Variants in FAM180B observed in about 807,000 individuals in gnomAD.
The protein encoded by FAM180B is protein FAM180B.
A neutral mutation model predicts 13.6 loss-of-function variants in FAM180B; 14 were observed. The observed-to-expected ratio is 1.03, with a 90% CI of 0.68 to 1.60. The LOEUF is 1.60. FAM180B is among the 40% of genes most tolerant of loss of function. FAM180B has a pLI of 0.00. For synonymous variants in FAM180B, 109 were observed against 97.0 expected (o/e 1.12, Z -0.72); for missense variants, 212 against 230.4 (o/e 0.92, Z 0.52).
intron 1 of FAM180B, 78 bp downstream of exon 1, chr11:47,586,931 T>C: frequency 1.0e-6 from 1 of 974,606 alleles, no homozygotes; most frequent in Non-Finnish European, 1.6e-6. Context: ...TATTTGAGGC[T>C]AGTCGGGCAT....
In FAM180B at chr11:47,588,307, G is replaced by A. The variant is rs1398750269; in HGVS notation, c.425G>A (p.Gly142Asp). 13 of 1,537,168 alleles carry A rather than the reference G, an allele frequency of 8.5e-6. No homozygotes were observed. The highest frequency in any genetic ancestry group is 8.7e-7 in the Non-Finnish European group (1 of 1,146,868). ...LHAASEAEER[G>D]RWAQVFALLA... is the part of the protein sequence containing the mutation. ...GCAGCTAGTGAGGCTGAGGAACGGG[G>A]CCGCTGGGCCCAGGTCTTCGCTCTC... Residue 142 changes from glycine (G) to aspartate (D), a missense_variant, in exon 3 of 3, where the codon GGC becomes GAC. Transcript: ENST00000538490.
chr11:47,587,325 T>C (rs1335719793), intron 1 of FAM180B, among the ~76,000 whole-genome samples: 1 of 151,862 alleles, frequency 6.6e-6, no homozygotes, highest in Non-Finnish European at 1.5e-5. Flanking sequence ...GCAGGGAGAG[T>C]AGGCTCTTTC....
Position 47,588,528 on chromosome 11 carries a change from G to T in FAM180B, c.*94G>T. The T allele has an allele frequency of 1.7e-5, 11 of 634,610 alleles. No individual in the cohort carries two copies. The South Asian group carries it at 2.1e-4, about 12-fold the overall frequency. The allele number at this position is 634,610 out of a possible 1,614,324, so 39.3% of individuals were successfully genotyped here. On this transcript the variant is annotated 3_prime_UTR_variant, in exon 3 of 3. Coordinates refer to ENST00000538490, the MANE Select transcript of FAM180B (RefSeq NM_001164379.3). ...CATCTTGCGCAGGGGCTTCTGTCTG[G>T]CATCTGATTCTTTTCACCGTGTTCA... is the stretch of plus-strand genomic sequence containing the variant.
chr11:47,587,677 GA>G, intron 1 of FAM180B, 73 bp from the exon 2 acceptor site: 1 of 1,074,060 alleles, frequency 9.3e-7, no homozygotes, highest in South Asian at 1.7e-5. Flanking sequence ...CCAGGCAGCA[GA>G]GGGGCACTTC....
In FAM180B at chr11:47,588,313, G is replaced by A. The variant is rs1413597218; in HGVS notation, c.431G>A (p.Trp144Ter). 1.1e-4 allele frequency: 163 copies of A among 1,536,872 alleles called. No individual in the cohort carries two copies. The highest frequency in any genetic ancestry group is 1.4e-4 in the Non-Finnish European group (157 of 1,146,740). Residue 144 changes from tryptophan to a stop codon, truncating the protein, a stop_gained, in exon 3 of 3, where the codon TGG becomes TAG. Transcript: ENST00000538490. LOFTEE classifies it high-confidence loss of function. ...AGTGAGGCTGAGGAACGGGGCCGCT[G>A]GGCCCAGGTCTTCGCTCTCCTGGCA... is the stretch of plus-strand genomic sequence containing the variant. ...AASEAEERGR[W>*]AQVFALLAQE...
In FAM180B at chr11:47,588,305, G is replaced by A; in HGVS notation, c.423G>A (p.Arg141=). ...RLHAASEAEE[R]GRWAQVFALL... ...ACGCAGCTAGTGAGGCTGAGGAACG[G>A]GGCCGCTGGGCCCAGGTCTTCGCTC... The change falls in exon 3 of 3, where the codon CGG becomes CGA. Residue 141 remains arginine (R), a synonymous_variant. Coordinates refer to ENST00000538490, the MANE Select transcript of FAM180B (RefSeq NM_001164379.3). The A allele has an allele frequency of 6.5e-7, 1 of 1,537,120 alleles. No individual in the cohort carries two copies. Among genetic ancestry groups the A allele is most frequent in the Non-Finnish European group, 8.7e-7 (1 of 1,146,858 alleles).
At position 47,588,921 on chromosome 11, in the gene FAM180B, A is replaced by T. The variant is rs2097273487; in HGVS notation, c.*487A>T. 1 of 152,206 alleles carries T rather than the reference A, an allele frequency of 6.6e-6. No individual in the cohort carries two copies. Among genetic ancestry groups the T allele is most frequent in the African/African-American group, 2.4e-5 (1 of 41,412 alleles). The allele number at this position is 152,206 out of a possible 1,614,324, so 9.4% of individuals were successfully genotyped here. ...TGCTGAGCATCCCCTTTTAGGCACA[A>T]CCAAGGATTTGGGGTCTCTGAGCCT... On this transcript the variant is annotated 3_prime_UTR_variant, in exon 3 of 3. Coordinates refer to ENST00000538490, the MANE Select transcript of FAM180B (RefSeq NM_001164379.3).
chr11:47,587,891 G>A, intron 2 of FAM180B, 70 bp downstream of exon 2: 2 of 1,442,864 alleles, frequency 1.4e-6, no homozygotes. Flanking sequence ...GTTGGGAAGG[G>A]GGATGTCTCA....
rs890806027 is a variant in FAM180B at position 47,589,077 on chromosome 11, T to TG, written c.*644dup. The TG allele has an allele frequency of 2.6e-5, 4 of 151,880 alleles. No individual in the cohort carries two copies. Among genetic ancestry groups the TG allele is most frequent in the African/African-American group, 9.7e-5 (4 of 41,244 alleles). The allele number at this position is 151,880 out of a possible 1,614,324, so 9.4% of individuals were successfully genotyped here. On this transcript the variant is annotated 3_prime_UTR_variant, in exon 3 of 3. Coordinates refer to ENST00000538490, the MANE Select transcript of FAM180B (RefSeq NM_001164379.3). The stretch of plus-strand genomic sequence containing the variant: ...AGGCAATATCTCAACAAGCGTCGGG[T>TG]GAATACCTCAGAGGGGGGAGTAAGG...
At chr11:47,587,424 G>A (rs2097272224) in intron 1 of FAM180B, among the ~76,000 whole-genome samples, 1 of 152,188 alleles carries the variant, frequency 6.6e-6, no homozygotes, top group South Asian at 2.1e-4. Context: ...GGAGGGTGGG[G>A]AAGGGTCTTG....
Position 47,588,728 on chromosome 11 carries a change from G to GTA in FAM180B, c.*295_*296insAT. ...AGGCAGTGTGTGTGTGAGTGTGTGT[G>GTA]TGTGTGTGTGTGTGTGTGTGTGTGT... On this transcript the variant is annotated 3_prime_UTR_variant, in exon 3 of 3. Transcript: ENST00000538490. 3.9e-6 allele frequency: 1 copy of GTA among 255,342 alleles called. No individual in the cohort carries two copies. Among genetic ancestry groups the GTA allele is most frequent in the Non-Finnish European group, 7.4e-6 (1 of 134,348 alleles). The allele number at this position is 255,342 out of a possible 1,614,324, so 15.8% of individuals were successfully genotyped here. A position where few individuals can be genotyped will look rare whatever the true frequency, so the allele number is the denominator to read the frequency against.
In FAM180B at chr11:47,588,587, C is replaced by G. The variant is rs1466506452; in HGVS notation, c.*153C>G. On this transcript the variant is annotated 3_prime_UTR_variant, in exon 3 of 3. Coordinates refer to ENST00000538490, the MANE Select transcript of FAM180B (RefSeq NM_001164379.3). The stretch of plus-strand genomic sequence containing the variant: ...GGCTTGGCTTGCACCCTGGACACCC[C>G]CTCTCTGCTTACCCCGACCAGATCT... 5.3e-6 allele frequency: 3 copies of G among 568,516 alleles called. No homozygotes were observed. Among genetic ancestry groups the G allele is most frequent in the East Asian group, 2.8e-5 (1 of 35,214 alleles). 35.2% of individuals were successfully genotyped at this position (568,516 alleles called of 1,614,324 possible). A position where few individuals can be genotyped will look rare whatever the true frequency, so the allele number is the denominator to read the frequency against.
chr11:47,588,310 G>C lies in FAM180B; in HGVS notation c.428G>C (p.Arg143Pro). The C allele has an allele frequency of 7.8e-6, 12 of 1,537,122 alleles. No homozygotes were observed. Among genetic ancestry groups the C allele is most frequent in the Non-Finnish European group, 1.0e-5 (12 of 1,146,844 alleles). Residue 143 changes from arginine (R) to proline (P), a missense_variant, in exon 3 of 3, where the codon CGC (arginine) becomes CCC (proline). By Grantham distance (103) the Arg-to-Pro change is moderately radical. Coordinates refer to ENST00000538490, the MANE Select transcript of FAM180B (RefSeq NM_001164379.3). ...GCTAGTGAGGCTGAGGAACGGGGCC[G>C]CTGGGCCCAGGTCTTCGCTCTCCTG... ...HAASEAEERGRWAQVFALLAQ... is the reference protein window; with the variant it reads ...HAASEAEERGPWAQVFALLAQ...
chr11:47,588,495 G>C lies in FAM180B; in HGVS notation c.*61G>C. 3 of 769,636 alleles carry C rather than the reference G, an allele frequency of 3.9e-6. No individual in the cohort carries two copies. The highest frequency in any genetic ancestry group is 6.1e-6 in the Non-Finnish European group (3 of 488,484). The allele number at this position is 769,636 out of a possible 1,614,324, so 47.7% of individuals were successfully genotyped here. A position where few individuals can be genotyped will look rare whatever the true frequency, so the allele number is the denominator to read the frequency against. On this transcript the variant is annotated 3_prime_UTR_variant, in exon 3 of 3. Transcript: ENST00000538490. ...CTCCCATCTCCTCCTCAACCCCCCA[G>C]GCAGACCCATCTTGCGCAGGGGCTT...
rs1230075210 is a variant in FAM180B at position 47,588,080 on chromosome 11, G to A, written c.198G>A (p.Leu66=). ...TGGAGCTGGATGTCATGGGGCAGCT[G>A]CACATCCAGGATGAGGAACTAGCGT... is the stretch of plus-strand genomic sequence containing the variant. ...AGLELDVMGQ[L]HIQDEELAST... is the part of the protein sequence containing the mutation. The change falls in exon 3 of 3, where the codon CTG becomes CTA. Residue 66 remains leucine, a synonymous_variant. Coordinates refer to ENST00000538490, the MANE Select transcript of FAM180B (RefSeq NM_001164379.3). 6.5e-7 allele frequency: 1 copy of A among 1,536,686 alleles called. No homozygotes were observed. Among genetic ancestry groups the A allele is most frequent in the South Asian group, 1.2e-5 (1 of 84,024 alleles).
rs1418350522 is a variant in FAM180B, at chr11:47,588,707, AGTGTGTGTGTGAGTGTGTGTGT to A, written c.*285_*306del. 13 of 359,212 alleles carry A rather than the reference AGTGTGTGTGTGAGTGTGTGTGT, an allele frequency of 3.6e-5. No individual in the cohort carries two copies. The highest frequency in any genetic ancestry group is 2.5e-4 in the African/African-American group (10 of 40,144). The allele number at this position is 359,212 out of a possible 1,614,324, so 22.3% of individuals were successfully genotyped here. A position where few individuals can be genotyped will look rare whatever the true frequency, so the allele number is the denominator to read the frequency against. ...AGAGCTAAGGGCACGACTTGCAGGC[AGTGTGTGTGTGAGTGTGTGTGT>A]GTGTGTGTGTGTGTGTGTGTGTGTG... On this transcript the variant is annotated 3_prime_UTR_variant, in exon 3 of 3. Transcript: ENST00000538490.
In FAM180B at chr11:47,588,379, A is replaced by C; in HGVS notation, c.497A>C (p.Gln166Pro). 1 of 1,526,120 alleles carries C rather than the reference A, an allele frequency of 6.6e-7. No homozygotes were observed. The allele number at this position is 1,526,120 out of a possible 1,614,324, so 94.5% of individuals were successfully genotyped here. Reference protein sequence around the residue: ...LWDLCKGFCPQDRPPSLGSWA... With the variant: ...LWDLCKGFCPPDRPPSLGSWA... The stretch of plus-strand genomic sequence containing the variant: ...GACCTGTGCAAAGGTTTCTGCCCCC[A>C]GGACCGGCCCCCTTCCCTGGGGTCC... The change falls in exon 3 of 3, where the codon CAG becomes CCG. Residue 166 changes from glutamine to proline, a missense_variant. Transcript: ENST00000538490.
rs1029920002 is a variant in FAM180B at position 47,588,550 on chromosome 11, T to C, written c.*116T>C. The C allele has an allele frequency of 8.3e-6, 5 of 604,894 alleles. No homozygotes were observed. The highest frequency in any genetic ancestry group is 7.4e-5 in the African/African-American group (4 of 54,032). 37.5% of individuals were successfully genotyped at this position (604,894 alleles called of 1,614,324 possible). A position where few individuals can be genotyped will look rare whatever the true frequency, so the allele number is the denominator to read the frequency against. ...CTGGCATCTGATTCTTTTCACCGTG[T>C]TCAGATCTCTGGGCTTGGCTTGCAC... On this transcript the variant is annotated 3_prime_UTR_variant, in exon 3 of 3. Transcript: ENST00000538490.
chr11:47,586,801 G>T lies in FAM180B; in HGVS notation c.33G>T (p.Leu11=), dbSNP rs1313052694. 5 of 1,537,156 alleles carry T rather than the reference G, an allele frequency of 3.3e-6. No individual in the cohort carries two copies. The highest frequency in any genetic ancestry group is 4.4e-6 in the Non-Finnish European group (5 of 1,146,898). Residue 11 remains leucine (L), a synonymous_variant, in exon 1 of 3, where the codon CTG becomes CTT. Transcript: ENST00000538490. The stretch of plus-strand genomic sequence containing the variant: ...CGACCCTGCAGTTCCTGGTTTGCCT[G>T]GTGGTAGCCATTTGTCTCCTCTCTG... MAATLQFLVC[L]VVAICLLSGV...
Sources: allele counts gnomAD v4.1 joint callset (sites outside exome capture counted in the v4.1 genomes callset), GRCh38; gene constraint gnomAD v4.1.1; transcripts MANE v1.5; gene names NCBI Gene and HGNC (gene_info 2026-07-23, HGNC 2026-07-21).